Variants in FNIP1 observed in about 807,000 individuals in gnomAD.
The protein encoded by FNIP1 is folliculin interacting protein 1.
In FNIP1, 40 loss-of-function variants were observed where a neutral mutation model predicts 124.5. The observed-to-expected ratio is 0.32, with a 90% CI of 0.25 to 0.42. The LOEUF is 0.42. FNIP1 is among the 10% of genes least tolerant of loss of function. FNIP1 has a pLI of 1.00. For synonymous variants in FNIP1, 472 were observed against 470.6 expected (o/e 1.00, Z -0.04); for missense variants, 1,176 against 1,403.7 (o/e 0.84, Z 2.59).
At chr5:131,768,591 C>T (rs1771521830) in intron 1 of FNIP1, among the ~76,000 whole-genome samples, 1 of 152,032 alleles carries the variant, frequency 6.6e-6, no homozygotes, top group Non-Finnish European at 1.5e-5. Context: ...GGTTGGACCA[C>T]CTGAGGTCAG....
chr5:131,698,151 G>A lies in FNIP1; in HGVS notation c.1202+766C>T, dbSNP rs891635556. ...AAAACTAGGGGTCAAAAACGCTAAT[G>A]CACTTGCCCAAGATCACCAGAGGTA... On this transcript the variant is annotated intron_variant, in intron 11 of 17. Coordinates refer to ENST00000510461, the MANE Select transcript of FNIP1 (RefSeq NM_133372.3). Among the ~76,000 whole-genome samples the A allele has an allele frequency of 4.6e-5, 7 of 152,152 alleles. No individual in the cohort carries two copies. In the South Asian group the frequency reaches 1.2e-3, roughly 27 times the overall value.
chr5:131,645,214 C>T (rs1766845741), intron 17 of FNIP1, among the ~76,000 whole-genome samples: 1 of 151,102 alleles, frequency 6.6e-6, no homozygotes, highest in South Asian at 2.1e-4. Context: ...ACCAGCTACT[C>T]TGGAAGCTGA....
intron 1 of FNIP1, among the ~76,000 whole-genome samples, chr5:131,767,427 C>CAAAAAAAAAAAAAAAAAA (rs139550903): frequency 4.7e-5 from 3 of 63,992 alleles, no homozygotes; most frequent in African/African-American, 1.5e-4. Context: ...GATTCTGTCT[C>CAAAAAAAAAAAAAAAAAA]AAAAAAAAAA....
intron 11 of FNIP1, among the ~76,000 whole-genome samples, chr5:131,698,130 C>G (rs1580764757): frequency 6.6e-6 from 1 of 152,008 alleles, no homozygotes; most frequent in Non-Finnish European, 1.5e-5. Flanking sequence ...TACTAGAAAA[C>G]TAGGGGTCAA....
At chr5:131,747,864 A>G (rs2149562998) in intron 1 of FNIP1, among the ~76,000 whole-genome samples, 1 of 152,306 alleles carries the variant, frequency 6.6e-6, no homozygotes, top group South Asian at 2.1e-4. Flanking sequence ...TGATGACAGA[A>G]TCTGAGGTGG....
At chr5:131,746,384 A>G (rs551353756) in intron 1 of FNIP1, among the ~76,000 whole-genome samples, 15 of 152,288 alleles carry the variant, frequency 9.8e-5, no homozygotes, top group Admixed American at 7.2e-4. Flanking sequence ...GAGAGAGAGC[A>G]TACAACCCAA....
At chr5:131,709,344 T>A (rs1042466518) in intron 7 of FNIP1, 72 bp from the exon 8 acceptor site, 24 of 1,301,218 alleles carry the variant, frequency 1.8e-5, no homozygotes, top group Non-Finnish European at 2.3e-5. Flanking sequence ...TCCTTTTAAA[T>A]AGCAAACGAA....
Position 131,735,109 on chromosome 5 carries a change from C to T in FNIP1, c.220-4071G>A, listed in dbSNP as rs550770889. On this transcript the variant is annotated intron_variant, in intron 2 of 17. Coordinates refer to ENST00000510461, the MANE Select transcript of FNIP1 (RefSeq NM_133372.3). Reference sequence around the variant, plus strand: ...ATTAAGAAAATGTGGCACATATACACCATGGAATACTATGCAGCCATAAAA... The same window carrying T: ...ATTAAGAAAATGTGGCACATATACATCATGGAATACTATGCAGCCATAAAA... Among the ~76,000 whole-genome samples, 10 of 152,236 alleles carry T rather than the reference C, an allele frequency of 6.6e-5. No individual in the cohort carries two copies. The South Asian group carries it at 2.1e-3, about 32-fold the overall frequency.
At chr5:131,741,516 G>T (rs1008665974) in intron 2 of FNIP1, among the ~76,000 whole-genome samples, 1 of 152,094 alleles carries the variant, frequency 6.6e-6, no homozygotes, top group Non-Finnish European at 1.5e-5. Flanking sequence ...CACAATGTTT[G>T]CTTTGCATGG....
intron 4 of FNIP1, 109 bp downstream of exon 4, chr5:131,719,208 A>G: frequency 8.5e-7 from 1 of 1,170,164 alleles, no homozygotes; most frequent in South Asian, 1.4e-5. Flanking sequence ...AACATGTTAA[A>G]TGGAGTATGA....
intron 1 of FNIP1, among the ~76,000 whole-genome samples, chr5:131,792,771 T>C (rs1008999718): frequency 6.6e-6 from 1 of 152,204 alleles, no homozygotes; most frequent in African/African-American, 2.4e-5. Context: ...GTACAAGGTA[T>C]GTATGAAATA....
chr5:131,673,799 G>A (rs1767835351), intron 13 of FNIP1, among the ~76,000 whole-genome samples: 1 of 152,166 alleles, frequency 6.6e-6, no homozygotes, highest in South Asian at 2.1e-4. Flanking sequence ...ACTCTGAGAG[G>A]CCGAGATGGG....
At chr5:131,676,112 C>T (rs1366529540) in intron 13 of FNIP1, among the ~76,000 whole-genome samples, 1 of 151,236 alleles carries the variant, frequency 6.6e-6, no homozygotes, top group East Asian at 2.0e-4. Context: ...AGCTCCGCCT[C>T]CTGGGTTCAC....
intron 1 of FNIP1, among the ~76,000 whole-genome samples, chr5:131,769,235 ATAAT>A (rs138615107): frequency 5.9e-5 from 9 of 152,346 alleles, no homozygotes; most frequent in South Asian, 2.1e-4. Context: ...TTTTAAAACA[ATAAT>A]TAATACTTGC....
intron 11 of FNIP1, among the ~76,000 whole-genome samples, chr5:131,696,962 ACTT>A: frequency 6.6e-6 from 1 of 152,168 alleles, no homozygotes; most frequent in East Asian, 1.9e-4. Flanking sequence ...ATAGTCATAA[ACTT>A]CTTCAATTTA....
At chr5:131,793,272 A>T (rs1580845589) in intron 1 of FNIP1, among the ~76,000 whole-genome samples, 3 of 151,518 alleles carry the variant, frequency 2.0e-5, no homozygotes, top group Non-Finnish European at 4.4e-5. Context: ...GGGCTCAAGC[A>T]CTCCTCCCGC....
In FNIP1 at chr5:131,706,418, G is replaced by A; in HGVS notation, c.907C>T (p.Pro303Ser). The change falls in exon 9 of 18, where the codon CCT (proline) becomes TCT (serine). Residue 303 changes from proline (P) to serine (S), a missense_variant. This residue lies in a region of FNIP1 where 1,109 missense variants were observed against 1,288.5 expected (regional missense o/e 0.86). Coordinates refer to ENST00000510461, the MANE Select transcript of FNIP1 (RefSeq NM_133372.3). ...QTTSLENGVF[P>S]RWSIEESFNL... The stretch of plus-strand genomic sequence containing the variant: ...TTTAAAGTTCCAACTTACCATCTAG[G>A]AAATACCCCATTTTCCAAACTTGTT... 1.2e-6 allele frequency: 2 copies of A among 1,610,756 alleles called. No homozygotes were observed. Among genetic ancestry groups the A allele is most frequent in the Non-Finnish European group, 1.7e-6 (2 of 1,178,460 alleles).
At chr5:131,776,234 T>C (rs1771799406) in intron 1 of FNIP1, among the ~76,000 whole-genome samples, 2 of 152,240 alleles carry the variant, frequency 1.3e-5, no homozygotes, top group South Asian at 4.1e-4. Flanking sequence ...GTTTTATCTA[T>C]ATCTTCTACA....
chr5:131,704,165 G>C lies in FNIP1; in HGVS notation c.1016C>G (p.Ser339Cys). The change falls in exon 10 of 18, where the codon TCC (serine) becomes TGC (cysteine). Residue 339 changes from serine to cysteine, a missense_variant. Physicochemically the swap from Ser to Cys is moderately radical, Grantham distance 112. This residue lies in a region of FNIP1 where 1,109 missense variants were observed against 1,288.5 expected (regional missense o/e 0.86). Coordinates refer to ENST00000510461, the MANE Select transcript of FNIP1 (RefSeq NM_133372.3). Reference sequence around the variant, plus strand: ...TTTGTTATTTTCATCTTCATCTTTGGACAATGAAAAGATTACCCCAATTGC... The same window carrying C: ...TTTGTTATTTTCATCTTCATCTTTGCACAATGAAAAGATTACCCCAATTGC... ...KIAIGVIFSLSKDEDENNKFN... is the reference protein window; with the variant it reads ...KIAIGVIFSLCKDEDENNKFN... 1 of 1,612,934 alleles carries C rather than the reference G, an allele frequency of 6.2e-7. No individual in the cohort carries two copies. The highest frequency in any genetic ancestry group is 8.5e-7 in the Non-Finnish European group (1 of 1,179,160).
Sources: allele counts gnomAD v4.1 joint callset (sites outside exome capture counted in the v4.1 genomes callset), GRCh38; gene constraint gnomAD v4.1.1; regional missense constraint gnomAD v4.1.1; transcripts MANE v1.5; gene names NCBI Gene and HGNC (gene_info 2026-07-23, HGNC 2026-07-21).